MLLT10: variants seen among roughly 807,000 people sequenced by gnomAD.
MLLT10 encodes the protein MLLT10 histone lysine methyltransferase DOT1L cofactor.
In MLLT10, 30 loss-of-function variants were observed where a neutral mutation model predicts 129.1. That is an observed-to-expected ratio of 0.23 (90% CI 0.17 to 0.32). The LOEUF (loss-of-function observed/expected upper bound fraction) is 0.32, where lower values mean the gene tolerates loss of function less well. Among genes scored for constraint, MLLT10 ranks in the 10% least tolerant of loss-of-function variants. The probability of loss-of-function intolerance (pLI) is 1.00; values close to 1 mark genes in which losing one functional copy is unlikely to be tolerated. For synonymous variants in MLLT10, 490 were observed against 446.4 expected (o/e 1.10, Z -1.23); for missense variants, 1,119 against 1,268.3 (o/e 0.88, Z 1.79).
chr10:21,729,151 C>G (rs2131566025), intron 16 of MLLT10, among the ~76,000 whole-genome samples: 1 of 152,172 alleles, frequency 6.6e-6, no homozygotes, highest in East Asian at 1.9e-4. Flanking sequence ...ACAATGATAA[C>G]ATGATCTGAC....
At chr10:21,707,284 C>T (rs1037826461) in intron 13 of MLLT10, among the ~76,000 whole-genome samples, 2 of 151,174 alleles carry the variant, frequency 1.3e-5, no homozygotes, top group Non-Finnish European at 2.9e-5. Context: ...GCTCCGCCTC[C>T]CGGGTTCACG....
chr10:21,673,154 A>G (rs537589614), intron 10 of MLLT10, among the ~76,000 whole-genome samples, 196 bp from the exon 11 acceptor site: 2 of 152,222 alleles, frequency 1.3e-5, no homozygotes, highest in African/African-American at 4.8e-5. Flanking sequence ...AAAATGACAC[A>G]TGTTTTTAAA....
At chr10:21,644,983 G>C (rs1041289586) in intron 8 of MLLT10, among the ~76,000 whole-genome samples, 1 of 152,110 alleles carries the variant, frequency 6.6e-6, no homozygotes, top group Non-Finnish European at 1.5e-5. Context: ...CTTCCAGTTA[G>C]CACCTCTTCA....
At chr10:21,649,960 T>C (rs1370875764) in intron 8 of MLLT10, among the ~76,000 whole-genome samples, 1 of 150,912 alleles carries the variant, frequency 6.6e-6, no homozygotes, top group East Asian at 1.9e-4. Flanking sequence ...TCAAAATAAC[T>C]TTAGGATAAA....
chr10:21,695,957 T>G (rs1279584014), intron 13 of MLLT10, among the ~76,000 whole-genome samples: 10 of 150,846 alleles, frequency 6.6e-5, no homozygotes, highest in African/African-American at 2.2e-4. Context: ...TGGGTTTTTT[T>G]TTTTTTTTTT....
intron 13 of MLLT10, among the ~76,000 whole-genome samples, chr10:21,711,477 C>T (rs917536497): frequency 6.6e-6 from 1 of 150,562 alleles, no homozygotes; most frequent in Non-Finnish European, 1.5e-5. Flanking sequence ...GATGCCAGCA[C>T]TTTGGGAGGT....
chr10:21,544,993 A>G (rs948560547), intron 3 of MLLT10, among the ~76,000 whole-genome samples: 1 of 152,156 alleles, frequency 6.6e-6, no homozygotes, highest in Non-Finnish European at 1.5e-5. Context: ...TAAAAATACA[A>G]AATTAGCCGG....
intron 2 of MLLT10, among the ~76,000 whole-genome samples, chr10:21,538,444 T>A (rs2034490591): frequency 6.6e-6 from 1 of 152,064 alleles, no homozygotes; most frequent in Non-Finnish European, 1.5e-5. Context: ...ATTATAGGTG[T>A]GAGCCACTGC....
chr10:21,733,529 C>A lies in MLLT10; in HGVS notation c.2433C>A (p.Ser811Arg). The change falls in exon 19 of 23, where the codon AGC (serine) becomes AGA (arginine). Residue 811 changes from serine to arginine, a missense_variant. Ser to Arg is a moderately radical substitution (Grantham distance 110). Coordinates refer to ENST00000307729, the MANE Select transcript of MLLT10 (RefSeq NM_001195626.3). Reference protein sequence around the residue: ...QTAPTTDSLNSSKSPHIGNSF... With the variant: ...QTAPTTDSLNRSKSPHIGNSF... Reference sequence around the variant, plus strand: ...CTCCTACTACTGATTCCTTGAACAGCAGTAAGAGCCCTCATATAGGAAACA... The same window carrying A: ...CTCCTACTACTGATTCCTTGAACAGAAGTAAGAGCCCTCATATAGGAAACA... 1 of 1,566,812 alleles carries A rather than the reference C, an allele frequency of 6.4e-7. No individual in the cohort carries two copies.
intron 21 of MLLT10, among the ~76,000 whole-genome samples, chr10:21,736,448 C>A (rs1379118934): frequency 6.6e-6 from 1 of 152,096 alleles, no homozygotes; most frequent in East Asian, 1.9e-4. Context: ...CCATGCCTGG[C>A]TAATTTTGTA....
intron 8 of MLLT10, among the ~76,000 whole-genome samples, chr10:21,618,787 C>T (rs2045517756): frequency 6.6e-6 from 1 of 151,914 alleles, no homozygotes; most frequent in Admixed American, 6.6e-5. Context: ...GGCTAGAGTG[C>T]AGTGGCGTGA....
At chr10:21,710,394 A>G (rs1287246084) in intron 13 of MLLT10, among the ~76,000 whole-genome samples, 2 of 152,200 alleles carry the variant, frequency 1.3e-5, no homozygotes, top group Non-Finnish European at 2.9e-5. Context: ...ATAATATAGT[A>G]TCCAGTGTTG....
At position 21,651,722 on chromosome 10, in the gene MLLT10, A is replaced by T. The variant is rs1053084418; in HGVS notation, c.749A>T (p.Glu250Val). Residue 250 changes from glutamate (E) to valine (V), a missense_variant, in exon 9 of 23, where the codon GAA (glutamate) becomes GTA (valine). Glu to Val is a moderately radical substitution (Grantham distance 121, BLOSUM62 -2). Transcript: ENST00000307729. ...KHKQKHKKQP[E>V]PSPALVPSLT... ...AAACAGAAACACAAGAAGCAGCCAG[A>T]ACCATCACCTGCATTGGTTCCATCC... 8.1e-6 allele frequency: 13 copies of T among 1,613,476 alleles called. No individual in the cohort carries two copies. The highest frequency in any genetic ancestry group is 1.1e-5 in the Non-Finnish European group (13 of 1,179,734).
At chr10:21,672,552 G>A (rs956828991) in intron 10 of MLLT10, among the ~76,000 whole-genome samples, 6 of 151,890 alleles carry the variant, frequency 4.0e-5, no homozygotes, top group African/African-American at 1.5e-4. Context: ...TGATCCTCCC[G>A]CTTCGGCCTC....
chr10:21,602,456 C>T (rs994087947), intron 5 of MLLT10, among the ~76,000 whole-genome samples: 7 of 151,970 alleles, frequency 4.6e-5, no homozygotes, highest in Admixed American at 2.0e-4. Flanking sequence ...AGGGTTATGT[C>T]AAGAATCTTT....
intron 13 of MLLT10, among the ~76,000 whole-genome samples, chr10:21,701,571 T>C (rs2054916130): frequency 6.6e-6 from 1 of 151,938 alleles, no homozygotes; most frequent in Non-Finnish European, 1.5e-5. Flanking sequence ...GGCACAGTGG[T>C]GGATTGTGTT....
chr10:21,689,546 AATATATATATATATATATGT>A (rs374834462), intron 13 of MLLT10, among the ~76,000 whole-genome samples: 1,135 of 108,316 alleles, frequency 0.01, 17 homozygotes, highest in African/African-American at 0.035. Context: ...TGTGTAAAGT[AATATATATATATATATATGT>A]ATATATATAT....
intron 10 of MLLT10, among the ~76,000 whole-genome samples, chr10:21,671,893 C>T (rs117250852): frequency 6.6e-6 from 1 of 152,032 alleles, no homozygotes; most frequent in African/African-American, 2.4e-5. Flanking sequence ...GTTGAAGCTA[C>T]AGTGAGCCGT....
At chr10:21,596,719 A>T (rs1451505811) in intron 5 of MLLT10, among the ~76,000 whole-genome samples, 1 of 151,506 alleles carries the variant, frequency 6.6e-6, no homozygotes, top group Non-Finnish European at 1.5e-5. Context: ...TTTGAAGATT[A>T]TTCATGTATG....
Sources: gnomAD v4.1 joint callset for allele counts (sites outside exome capture counted in the v4.1 genomes callset) on GRCh38, gnomAD v4.1.1 for gene constraint, MANE v1.5 for transcripts, NCBI Gene and HGNC (gene_info 2026-07-23, HGNC 2026-07-21) for gene names.